DNAH5: variants seen among roughly 807,000 people sequenced by gnomAD.
The protein encoded by DNAH5 is axonemal beta dynein heavy chain 5.
In DNAH5, 372 loss-of-function variants were observed where a neutral mutation model predicts 518.2. That is an observed-to-expected ratio of 0.72 (90% CI 0.66 to 0.78). The LOEUF (loss-of-function observed/expected upper bound fraction) is 0.78. DNAH5 is among the 30% of genes least tolerant of loss of function. The pLI, the probability that DNAH5 is intolerant of heterozygous loss-of-function variation, is 0.00. For synonymous variants in DNAH5, 2,039 were observed against 2,025.9 expected, an observed-to-expected ratio of 1.01 and a Z score of -0.17; for missense variants, 5,523 against 5,687.0, an observed-to-expected ratio of 0.97 and a Z score of 0.93.
At chr5:13,977,703 G>A (rs555188510) in intron 1 of DNAH5, among the ~76,000 whole-genome samples, 1 of 152,220 alleles carries the variant, frequency 6.6e-6, no homozygotes, top group South Asian at 2.1e-4. Context: ...CAGCATCCTG[G>A]GTCCCAGCCC....
upstream of DNAH5, among the ~76,000 whole-genome samples, chr5:13,946,606 C>A (rs1779944995): frequency 6.6e-6 from 1 of 152,190 alleles, no homozygotes. Context: ...TTCCACCAGG[C>A]AAGAGCTTCA....
chr5:13,765,903 T>G (rs1304581490), intron 59 of DNAH5, 73 bp downstream of exon 59: 1 of 1,445,324 alleles, frequency 6.9e-7, no homozygotes, highest in African/African-American at 1.4e-5. Context: ...TTTAGAAACT[T>G]ATTCTACGAA....
chr5:13,827,317 G>C (rs1380501294), intron 38 of DNAH5, among the ~76,000 whole-genome samples: 1 of 151,624 alleles, frequency 6.6e-6, no homozygotes, highest in Non-Finnish European at 1.5e-5. Context: ...CAAGACAATG[G>C]AGAAAATGTC....
chr5:13,740,571 A>G (rs527986438), intron 65 of DNAH5, among the ~76,000 whole-genome samples: 1 of 152,328 alleles, frequency 6.6e-6, no homozygotes, highest in Non-Finnish European at 1.5e-5. Context: ...CTTGTGCTGT[A>G]GGCCTGGAAC....
intron 49 of DNAH5, among the ~76,000 whole-genome samples, chr5:13,792,990 T>C (rs1350874505): frequency 6.6e-6 from 1 of 152,230 alleles, no homozygotes; most frequent in Non-Finnish European, 1.5e-5. Flanking sequence ...GGCTAGTGAT[T>C]GTTCGACTAA....
At chr5:13,836,983 G>A (rs1241554226) in intron 35 of DNAH5, among the ~76,000 whole-genome samples, 2 of 152,216 alleles carry the variant, frequency 1.3e-5, no homozygotes, top group Non-Finnish European at 2.9e-5. Context: ...TCAGAGGCTG[G>A]AACAGCCCTG....
intron 1 of DNAH5, among the ~76,000 whole-genome samples, chr5:13,965,951 T>C (rs930333498): frequency 6.6e-6 from 1 of 152,122 alleles, no homozygotes; most frequent in African/African-American, 2.4e-5. Context: ...GAGATTTTGG[T>C]GCACCCATCA....
At chr5:13,734,055 G>A (rs1460238711) in intron 68 of DNAH5, among the ~76,000 whole-genome samples, 5 of 152,076 alleles carry the variant, frequency 3.3e-5, no homozygotes, top group East Asian at 1.9e-4. Context: ...GACGGTCCTG[G>A]GAGGTGAGGC....
At chr5:13,738,091 A>G (rs1424220989) in intron 65 of DNAH5, among the ~76,000 whole-genome samples, 1 of 151,472 alleles carries the variant, frequency 6.6e-6, no homozygotes, top group African/African-American at 2.4e-5. Context: ...AAATGTTAAA[A>G]AAAAAAAAAA....
intron 1 of DNAH5, among the ~76,000 whole-genome samples, chr5:13,991,863 A>G (rs1291286721): frequency 6.6e-6 from 1 of 152,210 alleles, no homozygotes. Flanking sequence ...CATCTGCGAA[A>G]GAGATAAATG....
chr5:13,695,336 G>A (rs528304769), intron 78 of DNAH5, among the ~76,000 whole-genome samples: 99 of 152,236 alleles, frequency 6.5e-4, no homozygotes, highest in African/African-American at 2.3e-3. Context: ...CGGAGGGAGA[G>A]CACCATCCGC....
intron 18 of DNAH5, 44 bp downstream of exon 18, chr5:13,885,915 TAGTAA>T: frequency 6.4e-7 from 1 of 1,559,606 alleles, no homozygotes; most frequent in Non-Finnish European, 8.8e-7. Context: ...TTTTAGTTTT[TAGTAA>T]ATGTCATAGA....
At chr5:13,718,100 G>A (rs1744549578) in intron 72 of DNAH5, among the ~76,000 whole-genome samples, 1 of 151,862 alleles carries the variant, frequency 6.6e-6, no homozygotes, top group Non-Finnish European at 1.5e-5. Context: ...AGGAATTTGG[G>A]CCTTGTTAGC....
intron 45 of DNAH5, 149 bp from the exon 46 acceptor site, chr5:13,809,335 G>GT (rs1760221350): frequency 1.0e-6 from 1 of 976,712 alleles, no homozygotes; most frequent in Admixed American, 2.0e-5. Context: ...AAGTACACAA[G>GT]TATGTGTTAG....
chr5:13,736,231 T>C (rs994261242), intron 66 of DNAH5, among the ~76,000 whole-genome samples: 3 of 152,142 alleles, frequency 2.0e-5, no homozygotes, highest in Non-Finnish European at 2.9e-5. Context: ...CAAAGAAATT[T>C]CAAAGGTTGT....
intron 31 of DNAH5, among the ~76,000 whole-genome samples, chr5:13,846,391 C>T (rs1172872323): frequency 6.6e-6 from 1 of 152,132 alleles, no homozygotes; most frequent in Non-Finnish European, 1.5e-5. Context: ...TTCATAACAG[C>T]AGAATTCACT....
intron 12 of DNAH5, among the ~76,000 whole-genome samples, chr5:13,909,864 A>G (rs968755611): frequency 5.3e-5 from 8 of 152,224 alleles, no homozygotes; most frequent in Admixed American, 2.0e-4. Flanking sequence ...AGTCTAATAC[A>G]TAATTGCTGT....
chr5:13,886,135 CA>C lies in DNAH5; in HGVS notation c.2578-7del, dbSNP rs71600031. On this transcript the variant is annotated splice_polypyrimidine_tract_variant and splice_region_variant and intron_variant, in intron 17 of 78. Transcript: ENST00000265104. ...GCACCATTTACACAAAGATCCTAAC[CA>C]AAAAAAAAAAAAAAAAAAGATAGCA... is the stretch of plus-strand genomic sequence containing the variant. The C allele has an allele frequency of 0.14, 185,375 of 1,299,510 alleles. 959 individuals are homozygous for C. Among genetic ancestry groups the C allele is most frequent in the East Asian group, 0.17 (5,947 of 35,168 alleles). 80.5% of individuals were successfully genotyped at this position (1,299,510 alleles called of 1,614,324 possible).
At chr5:13,789,830 T>C (rs1041007304) in intron 50 of DNAH5, among the ~76,000 whole-genome samples, 5 of 152,166 alleles carry the variant, frequency 3.3e-5, no homozygotes, top group Admixed American at 6.6e-5. Context: ...GTTAAAATAT[T>C]CACGCCGCTA....
Sources: gnomAD v4.1 joint callset for allele counts (sites outside exome capture counted in the v4.1 genomes callset) on GRCh38, gnomAD v4.1.1 for gene constraint, MANE v1.5 for transcripts, NCBI Gene and HGNC (gene_info 2026-07-23, HGNC 2026-07-21) for gene names.